Variants in RIMS2 observed in about 807,000 individuals in gnomAD.
RIMS2 encodes the protein regulating synaptic membrane exocytosis 2, also known as regulating synaptic membrane exocytosis protein 2.
RIMS2 carries 59 observed loss-of-function variants against 174.4 expected under a neutral mutation model. The observed-to-expected ratio is 0.34, with a 90% CI of 0.27 to 0.42. The LOEUF (loss-of-function observed/expected upper bound fraction) is 0.42. Ranked by LOEUF, RIMS2 falls within the 10% of genes least tolerant of loss-of-function variation. RIMS2 has a pLI of 1.00. For synonymous variants in RIMS2, 606 were observed against 572.5 expected (o/e 1.06, Z -0.84); for missense variants, 1,620 against 1,666.3 (o/e 0.97, Z 0.48).
chr8:104,110,168 T>G (rs1000755233), intron 19 of RIMS2, among the ~76,000 whole-genome samples: 1 of 152,168 alleles, frequency 6.6e-6, no homozygotes, highest in African/African-American at 2.4e-5. Flanking sequence ...AAGCTCAGAT[T>G]GATGGAAAAC....
At position 103,579,261 on chromosome 8, in the gene RIMS2, T is replaced by A. The variant is rs56169216; in HGVS notation, c.176+78199T>A. 1.0e-4 allele frequency among the ~76,000 whole-genome samples: 6 copies of A among 59,770 alleles called. No individual in the cohort carries two copies. The South Asian group carries it at 1.6e-3, about 16-fold the overall frequency. 39.2% of individuals were successfully genotyped at this position (59,770 alleles called of 152,430 possible). ...CTCTCCCTCTCTCTCTGTCTCTGTC[T>A]CACACACACACAGACACACACACAC... On this transcript the variant is annotated intron_variant, in intron 1 of 23. Transcript: ENST00000504942.
At chr8:104,196,185 G>T (rs1266275288) in intron 19 of RIMS2, among the ~76,000 whole-genome samples, 2 of 152,006 alleles carry the variant, frequency 1.3e-5, no homozygotes, top group African/African-American at 4.8e-5. Context: ...TTTTAACAAA[G>T]ACCAAATTCC....
chr8:103,612,853 G>C (rs2095416629), intron 1 of RIMS2, among the ~76,000 whole-genome samples: 1 of 152,188 alleles, frequency 6.6e-6, no homozygotes, highest in Non-Finnish European at 1.5e-5. Context: ...ACAGGCGTGA[G>C]CCACTGCACC....
chr8:104,009,770 T>C, intron 17 of RIMS2, among the ~76,000 whole-genome samples: 1 of 152,298 alleles, frequency 6.6e-6, no homozygotes, highest in East Asian at 1.9e-4. Flanking sequence ...ACAAATTTAC[T>C]TTTCAAGAAA....
At chr8:103,659,272 C>G (rs2096567940) in intron 1 of RIMS2, among the ~76,000 whole-genome samples, 1 of 152,032 alleles carries the variant, frequency 6.6e-6, no homozygotes, top group African/African-American at 2.4e-5. Flanking sequence ...TGCGGGCTGC[C>G]TAGTGTAGAG....
At chr8:104,093,853 T>G (rs1365197382) in intron 19 of RIMS2, among the ~76,000 whole-genome samples, 1 of 152,042 alleles carries the variant, frequency 6.6e-6, no homozygotes, top group Non-Finnish European at 1.5e-5. Flanking sequence ...CTATGGATAA[T>G]TTTGCTTACT....
intron 19 of RIMS2, among the ~76,000 whole-genome samples, chr8:104,231,358 C>T (rs2441796): frequency 0.68 from 96,733 of 142,700 alleles, 31,409 homozygotes; most frequent in East Asian, 0.82. Flanking sequence ...GAGGTGTTTT[C>T]TTTTTTTATG....
chr8:104,227,944 G>A (rs1024634199), intron 19 of RIMS2, among the ~76,000 whole-genome samples: 2 of 151,732 alleles, frequency 1.3e-5, no homozygotes, highest in African/African-American at 4.8e-5. Context: ...GAAGCTATGA[G>A]GAATTAAAAT....
chr8:103,856,566 A>G (rs1407576918), intron 3 of RIMS2, among the ~76,000 whole-genome samples: 2 of 152,202 alleles, frequency 1.3e-5, no homozygotes, highest in Non-Finnish European at 2.9e-5. Flanking sequence ...TCACATGGCA[A>G]TTTGAAAAGA....
At chr8:103,962,110 T>C (rs550888738) in intron 15 of RIMS2, among the ~76,000 whole-genome samples, 5 of 152,284 alleles carry the variant, frequency 3.3e-5, no homozygotes, top group South Asian at 2.1e-4. Flanking sequence ...CCATTTCTTA[T>C]CTTTTGTAAA....
At chr8:103,982,401 C>A (rs368202405) in intron 16 of RIMS2, among the ~76,000 whole-genome samples, 5 of 149,986 alleles carry the variant, frequency 3.3e-5, no homozygotes, top group East Asian at 2.0e-4. Flanking sequence ...TCTACAAGGC[C>A]GTTATTACTT....
chr8:104,031,190 T>G (rs781300066), intron 19 of RIMS2, among the ~76,000 whole-genome samples: 1 of 152,130 alleles, frequency 6.6e-6, no homozygotes, highest in Admixed American at 6.6e-5. Context: ...ATACTAAATA[T>G]GGTAATAAAA....
chr8:103,602,253 C>G (rs2094792275), intron 1 of RIMS2, among the ~76,000 whole-genome samples: 1 of 152,172 alleles, frequency 6.6e-6, no homozygotes, highest in African/African-American at 2.4e-5. Context: ...TCCCAAAGTA[C>G]TGGGATTACA....
intron 1 of RIMS2, among the ~76,000 whole-genome samples, chr8:103,604,507 TTAAAG>T (rs1305636393): frequency 5.3e-5 from 8 of 152,020 alleles, no homozygotes; most frequent in Non-Finnish European, 8.8e-5. Flanking sequence ...CATATGAACT[TTAAAG>T]TAGTTTTTTC....
At chr8:103,748,547 C>G (rs2097848759) in intron 2 of RIMS2, among the ~76,000 whole-genome samples, 1 of 152,046 alleles carries the variant, frequency 6.6e-6, no homozygotes, top group Admixed American at 6.5e-5. Context: ...AATTAACATT[C>G]CTTCTTTAAA....
rs182673921 is a variant in RIMS2 at position 103,803,593 on chromosome 8, T to G, written c.698+37056T>G. On this transcript the variant is annotated intron_variant, in intron 3 of 23. Coordinates refer to ENST00000504942, the Ensembl canonical transcript of RIMS2. ...TGTACAATGAGACTTACCCTTCCCT[T>G]GGGTATGTATAAAACCTGTGACTTG... 7.2e-5 allele frequency among the ~76,000 whole-genome samples: 11 copies of G among 152,302 alleles called. No homozygotes were observed. The East Asian group carries it at 2.1e-3, about 29-fold the overall frequency.
At chr8:104,251,305 G>A in intron 23 of RIMS2, 142 bp downstream of exon 29, 1 of 731,396 alleles carries the variant, frequency 1.4e-6, no homozygotes, top group East Asian at 2.7e-5. Context: ...AGTGGCCCGT[G>A]CTATAAAGCA....
At chr8:104,082,516 C>T (rs1351100012) in intron 19 of RIMS2, among the ~76,000 whole-genome samples, 1 of 152,068 alleles carries the variant, frequency 6.6e-6, no homozygotes, top group African/African-American at 2.4e-5. Flanking sequence ...TATGGCGTTA[C>T]ATGAGCACAA....
chr8:103,940,514 T>C (rs1160506640), intron 13 of RIMS2, among the ~76,000 whole-genome samples: 1 of 151,668 alleles, frequency 6.6e-6, no homozygotes, highest in Admixed American at 6.6e-5. Context: ...TTTTTCTGAG[T>C]AAATTAAATG....
Sources: gnomAD v4.1 joint callset for allele counts (sites outside exome capture counted in the v4.1 genomes callset) on GRCh38, gnomAD v4.1.1 for gene constraint, MANE v1.5 for transcripts, NCBI Gene and HGNC (gene_info 2026-07-23, HGNC 2026-07-21) for gene names.